Variants in SLIT2 observed in about 807,000 individuals in gnomAD.
SLIT2 encodes the protein slit guidance ligand 2, also known as slit homolog 2 protein.
In SLIT2, 41 loss-of-function variants were observed where a neutral mutation model predicts 185.7. That is an observed-to-expected ratio of 0.22 (90% CI 0.17 to 0.29). SLIT2 has a LOEUF of 0.29. Among genes scored for constraint, SLIT2 ranks in the 10% least tolerant of loss-of-function variants. The probability of loss-of-function intolerance (pLI) is 1.00; values close to 1 mark genes in which losing one functional copy is unlikely to be tolerated. For synonymous variants in SLIT2, 693 were observed against 680.2 expected (o/e 1.02, Z -0.29); for missense variants, 1,571 against 1,909.0 (o/e 0.82, Z 3.30).
intron 4 of SLIT2, among the ~76,000 whole-genome samples, chr4:20,292,881 CAAT>C (rs1196110051): frequency 6.6e-6 from 1 of 152,052 alleles, no homozygotes; most frequent in African/African-American, 2.4e-5. Flanking sequence ...AGTATTGATA[CAAT>C]GATAATGACT....
chr4:20,297,846 A>C (rs1716638498), intron 4 of SLIT2, among the ~76,000 whole-genome samples: 1 of 152,178 alleles, frequency 6.6e-6, no homozygotes, highest in Admixed American at 6.5e-5. Context: ...CTGTCTTCAT[A>C]ATGTATCTCA....
At chr4:20,322,763 C>T (rs903109040) in intron 4 of SLIT2, among the ~76,000 whole-genome samples, 1 of 152,030 alleles carries the variant, frequency 6.6e-6, no homozygotes, top group Non-Finnish European at 1.5e-5. Flanking sequence ...ATTTTAATTC[C>T]CCGCAGTGTC....
intron 3 of SLIT2, among the ~76,000 whole-genome samples, chr4:20,261,222 G>C (rs954772310): frequency 1.3e-5 from 2 of 151,722 alleles, no homozygotes; most frequent in Non-Finnish European, 3.0e-5. Flanking sequence ...CAGGTCTCCT[G>C]TTGTTTAATC....
At chr4:20,594,608 A>G (rs903701106) in intron 30 of SLIT2, among the ~76,000 whole-genome samples, 5 of 152,052 alleles carry the variant, frequency 3.3e-5, no homozygotes, top group African/African-American at 1.2e-4. Flanking sequence ...GTGCAGTTTG[A>G]AAACTGCTGC....
chr4:20,444,208 C>T (rs1291750908), intron 4 of SLIT2, among the ~76,000 whole-genome samples: 2 of 151,942 alleles, frequency 1.3e-5, no homozygotes, highest in African/African-American at 4.8e-5. Flanking sequence ...TAGATTGGGA[C>T]GCTTGAAAAG....
chr4:20,413,744 A>G (rs1049462508), intron 4 of SLIT2, among the ~76,000 whole-genome samples: 1 of 151,816 alleles, frequency 6.6e-6, no homozygotes, highest in Non-Finnish European at 1.5e-5. Context: ...TCCTATGGGT[A>G]CTCTTTACAC....
Position 20,484,564 on chromosome 4 carries a change from C to T in SLIT2, c.540-1636C>T, listed in dbSNP as rs923920733. Among the ~76,000 whole-genome samples, 1 of 152,078 alleles carries T rather than the reference C, an allele frequency of 6.6e-6. No individual in the cohort carries two copies. Among genetic ancestry groups the T allele is most frequent in the Non-Finnish European group, 1.5e-5 (1 of 67,994 alleles). On this transcript the variant is annotated intron_variant, in intron 6 of 36. Coordinates refer to ENST00000504154, the MANE Select transcript of SLIT2 (RefSeq NM_004787.4). The surrounding 1 kb of genome is among the most constrained non-coding windows in gnomAD (Gnocchi z 4.3). Reference sequence around the variant, plus strand: ...GATCTGGGTCTCTAGCTGACATGCCCTGTTTTACTGAAAAGTTTTTGTCAA... The same window carrying T: ...GATCTGGGTCTCTAGCTGACATGCCTTGTTTTACTGAAAAGTTTTTGTCAA...
chr4:20,545,375 C>A (rs779774601), intron 21 of SLIT2, among the ~76,000 whole-genome samples: 2 of 151,656 alleles, frequency 1.3e-5, no homozygotes, highest in South Asian at 4.2e-4. Flanking sequence ...CCAGTTAGCC[C>A]AAAACCTATT....
chr4:20,438,748 A>G (rs570588984), intron 4 of SLIT2, among the ~76,000 whole-genome samples: 7 of 152,220 alleles, frequency 4.6e-5, no homozygotes, highest in Admixed American at 1.3e-4. Flanking sequence ...TGTTATCACA[A>G]CATGTCAGGA....
intron 5 of SLIT2, among the ~76,000 whole-genome samples, chr4:20,472,376 C>CTATATATATATATCTATA (rs564500559): frequency 1.1e-4 from 1 of 9,258 alleles, no homozygotes; most frequent in African/African-American, 6.3e-4. Flanking sequence ...ATATCTATAT[C>CTATATATATATATCTATA]TATATATATG....
intron 29 of SLIT2, among the ~76,000 whole-genome samples, chr4:20,583,561 C>T (rs1056729331): frequency 1.3e-5 from 2 of 152,060 alleles, no homozygotes; most frequent in Admixed American, 1.3e-4. Context: ...CCTGTAATCC[C>T]AAGACTTTGG....
chr4:20,398,856 C>T (rs1348568000), intron 4 of SLIT2, among the ~76,000 whole-genome samples: 1 of 151,690 alleles, frequency 6.6e-6, no homozygotes, highest in Non-Finnish European at 1.5e-5. Flanking sequence ...TTAGCTCCGT[C>T]AATAATGTCT....
intron 4 of SLIT2, among the ~76,000 whole-genome samples, chr4:20,273,838 G>T (rs1713883896): frequency 6.6e-6 from 1 of 152,164 alleles, no homozygotes; most frequent in Non-Finnish European, 1.5e-5. Context: ...TCTGATTAAA[G>T]TGTGGACTAC....
chr4:20,514,776 A>C (rs1201804829), intron 11 of SLIT2, among the ~76,000 whole-genome samples: 1 of 151,246 alleles, frequency 6.6e-6, no homozygotes, highest in African/African-American at 2.4e-5. Context: ...TTTTTTATTA[A>C]CATTATCATT....
chr4:20,541,805 C>G (rs546701872), intron 20 of SLIT2, among the ~76,000 whole-genome samples, 186 bp downstream of exon 20: 1 of 152,192 alleles, frequency 6.6e-6, no homozygotes, highest in Non-Finnish European at 1.5e-5. Context: ...ACATTTGAGT[C>G]TACTTGATGT....
chr4:20,303,696 C>T (rs1485281040), intron 4 of SLIT2, among the ~76,000 whole-genome samples: 2 of 152,166 alleles, frequency 1.3e-5, no homozygotes, highest in Non-Finnish European at 2.9e-5. Context: ...GGATCACCGT[C>T]TGTGTAGACA....
chr4:20,542,437 T>C, intron 20 of SLIT2, 57 bp from the exon 21 acceptor site: 6 of 1,581,666 alleles, frequency 3.8e-6, no homozygotes, highest in Non-Finnish European at 4.3e-6. Flanking sequence ...ATAAAATCCC[T>C]TCTAGCACCT....
intron 4 of SLIT2, among the ~76,000 whole-genome samples, chr4:20,408,053 C>T (rs1258913988): frequency 6.6e-6 from 1 of 152,158 alleles, no homozygotes; most frequent in Non-Finnish European, 1.5e-5. Context: ...ATTGTTATCT[C>T]CACCTGCATC....
At chr4:20,417,673 C>A (rs1326536039) in intron 4 of SLIT2, among the ~76,000 whole-genome samples, 1 of 151,704 alleles carries the variant, frequency 6.6e-6, no homozygotes, top group Non-Finnish European at 1.5e-5. Context: ...AGGCGCACCA[C>A]CACGCCCAGC....
Sources: allele counts gnomAD v4.1 joint callset (sites outside exome capture counted in the v4.1 genomes callset), GRCh38; gene constraint gnomAD v4.1.1; non-coding constraint Gnocchi (gnomAD v3.1); transcripts MANE v1.5; gene names NCBI Gene and HGNC (gene_info 2026-07-23, HGNC 2026-07-21).